Variants in CFAP221 observed in about 807,000 individuals in gnomAD.
The protein encoded by CFAP221 is cilia and flagella associated protein 221.
A neutral mutation model predicts 113.1 loss-of-function variants in CFAP221; 97 were observed. The observed-to-expected ratio is 0.86, with a 90% CI of 0.73 to 1.02. CFAP221 has a LOEUF of 1.02. Among genes scored for constraint, CFAP221 ranks in the 50% least tolerant of loss-of-function variants. The probability of loss-of-function intolerance (pLI) is 0.00; values close to 1 mark genes in which losing one functional copy is unlikely to be tolerated. For missense variants in CFAP221, 1,025 were observed against 1,013.4 expected (o/e 1.01, Z -0.16); for synonymous variants, 331 against 354.4 (o/e 0.93, Z 0.74).
At chr2:119,583,554 A>G (rs1182907404) in intron 6 of CFAP221, among the ~76,000 whole-genome samples, 1 of 152,226 alleles carries the variant, frequency 6.6e-6, no homozygotes, top group Non-Finnish European at 1.5e-5. Flanking sequence ...AGGGTTTTAG[A>G]TCAAAATCCA....
At chr2:119,624,052 C>G (rs549564817) in intron 14 of CFAP221, among the ~76,000 whole-genome samples, 1 of 152,076 alleles carries the variant, frequency 6.6e-6, no homozygotes, top group African/African-American at 2.4e-5. Flanking sequence ...TTCTGCACAG[C>G]AAAAGAAACT....
rs1487512236 is a variant in CFAP221, at chr2:119,565,563, T to C, written c.527+3449T>C. 2.6e-5 allele frequency among the ~76,000 whole-genome samples: 4 copies of C among 152,236 alleles called. No individual in the cohort carries two copies. In the East Asian group the frequency reaches 7.7e-4, roughly 29 times the overall value. On this transcript the variant is annotated intron_variant, in intron 6 of 23. Transcript: ENST00000413369. ...ACCTCCCTAGAGGCTGTTCCCAAGC[T>C]ACTTTGTATATAACACCATTCATTT...
intron 7 of CFAP221, among the ~76,000 whole-genome samples, chr2:119,590,903 C>CT (rs1326115306): frequency 6.6e-6 from 1 of 152,202 alleles, no homozygotes; most frequent in Non-Finnish European, 1.5e-5. Flanking sequence ...TCAGGATTGT[C>CT]AAAGGGAGGG....
At chr2:119,642,912 A>G (rs1687581027) in intron 21 of CFAP221, among the ~76,000 whole-genome samples, 2 of 151,366 alleles carry the variant, frequency 1.3e-5, no homozygotes, top group South Asian at 4.2e-4. Context: ...CCACCTCCCA[A>G]AGGCTCCATC....
chr2:119,642,105 C>A (rs1024332650), intron 21 of CFAP221, among the ~76,000 whole-genome samples: 15 of 152,170 alleles, frequency 9.9e-5, no homozygotes, highest in African/African-American at 3.1e-4. Flanking sequence ...AGAAAACTCT[C>A]GAACCATGAG....
At chr2:119,549,494 G>A (rs959555402) in intron 3 of CFAP221, among the ~76,000 whole-genome samples, 1 of 152,160 alleles carries the variant, frequency 6.6e-6, no homozygotes, top group Non-Finnish European at 1.5e-5. Context: ...CTAGCTCTGT[G>A]GAGGCTGCAT....
At chr2:119,639,357 G>T (rs1218922027) in intron 20 of CFAP221, among the ~76,000 whole-genome samples, 1 of 152,200 alleles carries the variant, frequency 6.6e-6, no homozygotes, top group Non-Finnish European at 1.5e-5. Flanking sequence ...CCTGCACTCA[G>T]CCCAGCCGGG....
chr2:119,648,939 GC>G (rs1687968283), intron 22 of CFAP221, among the ~76,000 whole-genome samples: 1 of 152,216 alleles, frequency 6.6e-6, no homozygotes, highest in Non-Finnish European at 1.5e-5. Flanking sequence ...AAAGCGCCCA[GC>G]CCTGTGCCTG....
intron 23 of CFAP221, among the ~76,000 whole-genome samples, chr2:119,652,828 C>T (rs952421128): frequency 6.6e-6 from 1 of 150,962 alleles, no homozygotes; most frequent in Non-Finnish European, 1.5e-5. Context: ...TTGAAAAATG[C>T]CTTTATATTA....
At chr2:119,564,189 G>A (rs964796556) in intron 6 of CFAP221, among the ~76,000 whole-genome samples, 3 of 152,104 alleles carry the variant, frequency 2.0e-5, no homozygotes, top group African/African-American at 4.8e-5. Flanking sequence ...CTTATGGACC[G>A]TGCATATGAG....
Position 119,601,385 on chromosome 2 carries a change from G to T in CFAP221, c.791+8G>T, listed in dbSNP as rs74845728. The T allele has an allele frequency of 6.7e-7, 1 of 1,497,028 alleles. No homozygotes were observed. The highest frequency in any genetic ancestry group is 8.9e-7 in the Non-Finnish European group (1 of 1,120,194). 92.7% of individuals were successfully genotyped at this position (1,497,028 alleles called of 1,614,324 possible). ...TCCCAACATGGCCTTACCGTATGGC[G>T]TCTTTGCAGTGTTTTTGTTTATTTT... On this transcript the variant is annotated splice_region_variant and intron_variant, in intron 8 of 23. Coordinates refer to ENST00000413369, the MANE Select transcript of CFAP221 (RefSeq NM_001271049.2).
rs987672675 is a variant in CFAP221 at position 119,638,339 on chromosome 2, C to A, written c.2055C>A (p.His685Gln). 6.2e-7 allele frequency: 1 copy of A among 1,614,108 alleles called. No homozygotes were observed. The highest frequency in any genetic ancestry group is 8.5e-7 in the Non-Finnish European group (1 of 1,179,938). Residue 685 changes from histidine (H) to glutamine (Q), a missense_variant, in exon 20 of 24, where the codon CAC becomes CAA. Coordinates refer to ENST00000413369, the MANE Select transcript of CFAP221 (RefSeq NM_001271049.2). ...TGATAGATTACCATCTATGCTCTCACCCCAAGTACAAATTCACCAAAGAGT... is the reference window on the plus strand; with the variant it reads ...TGATAGATTACCATCTATGCTCTCAACCCAAGTACAAATTCACCAAAGAGT... ...ETLIDYHLCS[H>Q]PKYKFTKESR...
chr2:119,608,627 T>C, intron 12 of CFAP221, 38 bp downstream of exon 12: 2 of 1,544,384 alleles, frequency 1.3e-6, no homozygotes, highest in Non-Finnish European at 1.8e-6. Flanking sequence ...TTTGTTTCGC[T>C]AGATGTTTTT....
At chr2:119,546,050 CATGG>C (rs1680030089) in intron 1 of CFAP221, 31 bp from the exon 2 acceptor site, 1 of 1,390,812 alleles carries the variant, frequency 7.2e-7, no homozygotes, top group Non-Finnish European at 9.5e-7. Context: ...CGTGGTTTCT[CATGG>C]ATGATTATAC....
intron 21 of CFAP221, among the ~76,000 whole-genome samples, chr2:119,640,761 G>A (rs921311308): frequency 3.3e-5 from 5 of 152,140 alleles, no homozygotes; most frequent in Non-Finnish European, 7.3e-5. Context: ...ATCAGTAGGT[G>A]ATCTTTACAC....
At chr2:119,650,640 C>T (rs893758621) in intron 22 of CFAP221, among the ~76,000 whole-genome samples, 5 of 152,186 alleles carry the variant, frequency 3.3e-5, no homozygotes, top group African/African-American at 7.2e-5. Context: ...TAAATGTGTG[C>T]CAGGGAGTGC....
intron 23 of CFAP221, among the ~76,000 whole-genome samples, chr2:119,654,402 A>T (rs938871227): frequency 2.0e-5 from 3 of 151,756 alleles, no homozygotes; most frequent in Admixed American, 1.3e-4. Flanking sequence ...TTTAAATGAA[A>T]ACCTTTTTTT....
chr2:119,580,779 T>G (rs888304723), intron 6 of CFAP221: 3 of 152,286 alleles, frequency 2.0e-5, no homozygotes, highest in Non-Finnish European at 2.9e-5. Context: ...CTCCAGGTTT[T>G]GAAGCAGTCA....
intron 13 of CFAP221, among the ~76,000 whole-genome samples, chr2:119,612,587 T>C (rs554740364): frequency 1.3e-5 from 2 of 152,326 alleles, no homozygotes; most frequent in South Asian, 4.1e-4. Context: ...CAATTCAAGA[T>C]GAGATTTAGA....
Sources: allele counts gnomAD v4.1 joint callset (sites outside exome capture counted in the v4.1 genomes callset), GRCh38; gene constraint gnomAD v4.1.1; transcripts MANE v1.5; gene names NCBI Gene and HGNC (gene_info 2026-07-23, HGNC 2026-07-21).